The following COL22A1 variants were observed in gnomAD, a reference collection of about 807,000 sequenced individuals.
The protein encoded by COL22A1 is collagen type XXII alpha 1 chain.
In COL22A1, 221 loss-of-function variants were observed where a neutral mutation model predicts 248.9. That is an observed-to-expected ratio of 0.89 (90% CI 0.80 to 0.99). COL22A1 has a LOEUF of 0.99. Among genes scored for constraint, COL22A1 ranks in the 50% least tolerant of loss-of-function variants. The probability of loss-of-function intolerance (pLI) is 0.00; values close to 1 mark genes in which losing one functional copy is unlikely to be tolerated. For synonymous variants in COL22A1, 891 were observed against 793.4 expected, an observed-to-expected ratio of 1.12 and a Z score of -2.07; for missense variants, 2,240 against 2,179.0, an observed-to-expected ratio of 1.03 and a Z score of -0.56.
At chr8:138,870,013 T>A (rs1419873313) in intron 3 of COL22A1, among the ~76,000 whole-genome samples, 2 of 151,962 alleles carry the variant, frequency 1.3e-5, no homozygotes, top group Admixed American at 1.3e-4. Flanking sequence ...GGTGTGTATG[T>A]GGAGGGTGGC....
intron 16 of COL22A1, among the ~76,000 whole-genome samples, chr8:138,764,771 C>T (rs1264826874): frequency 6.6e-6 from 1 of 152,104 alleles, no homozygotes; most frequent in Non-Finnish European, 1.5e-5. Flanking sequence ...CCACCCTGGC[C>T]AACATGGTGA....
rs139658465 is a variant in COL22A1, at chr8:138,589,369, G to C, written c.4765C>G (p.Pro1589Ala). The change falls in exon 65 of 65, where the codon CCA becomes GCA. Residue 1589 changes from proline (P) to alanine (A), a missense_variant. Transcript: ENST00000303045. Reference sequence around the variant, plus strand: ...CCTGGGAGGCCAGGATGTCCAGCTGGTCCTGTCTCCCCTTGAGGGCCAGGG... The same window carrying C: ...CCTGGGAGGCCAGGATGTCCAGCTGCTCCTGTCTCCCCTTGAGGGCCAGGG... Reference protein sequence around the residue: ...GIPGPQGETGPAGHPGLPGPP... With the variant: ...GIPGPQGETGAAGHPGLPGPP... The C allele has an allele frequency of 1.9e-6, 3 of 1,609,828 alleles. No individual in the cohort carries two copies. Among genetic ancestry groups the C allele is most frequent in the South Asian group, 1.1e-5 (1 of 90,642 alleles).
At chr8:138,755,400 T>A in intron 20 of COL22A1, 82 bp downstream of exon 20, 1 of 1,469,230 alleles carries the variant, frequency 6.8e-7, no homozygotes, top group Middle Eastern at 1.7e-4. Context: ...CCATCTGAGT[T>A]CAGCCTGAGA....
At chr8:138,867,465 A>G (rs886903235) in intron 3 of COL22A1, among the ~76,000 whole-genome samples, 6 of 152,218 alleles carry the variant, frequency 3.9e-5, no homozygotes, top group African/African-American at 1.4e-4. Flanking sequence ...CAAGAACCAC[A>G]GTAAAAACCA....
At chr8:138,885,562 TCA>T (rs1368752903) in intron 1 of COL22A1, among the ~76,000 whole-genome samples, 1 of 150,168 alleles carries the variant, frequency 6.7e-6, no homozygotes, top group Non-Finnish European at 1.5e-5. Context: ...TGCCAACGTA[TCA>T]CACAGTTTTT....
intron 52 of COL22A1, chr8:138,620,558 T>C (rs1333212727): frequency 6.6e-6 from 1 of 152,244 alleles, no homozygotes; most frequent in African/African-American, 2.4e-5. Flanking sequence ...TCCTCCCTTG[T>C]AGGTCTTTGT....
chr8:138,623,526 C>T (rs1819994366), intron 52 of COL22A1, among the ~76,000 whole-genome samples: 1 of 152,042 alleles, frequency 6.6e-6, no homozygotes. Context: ...ACTTTGGGGC[C>T]ATGATTTCAC....
chr8:138,890,062 T>C (rs7013414), intron 1 of COL22A1, among the ~76,000 whole-genome samples: 125,994 of 152,162 alleles, frequency 0.83, 53,481 homozygotes, highest in East Asian at 0.99. Context: ...ATCTCAGGAA[T>C]GCAGGAGTGG....
chr8:138,759,834 A>G (rs1024072967), intron 18 of COL22A1, among the ~76,000 whole-genome samples: 1 of 152,208 alleles, frequency 6.6e-6, no homozygotes, highest in Non-Finnish European at 1.5e-5. Flanking sequence ...TGCAAAATGT[A>G]GTAGAGAAGG....
At chr8:138,707,372 G>A (rs1268770401) in intron 30 of COL22A1, among the ~76,000 whole-genome samples, 1 of 152,058 alleles carries the variant, frequency 6.6e-6, no homozygotes, top group African/African-American at 2.4e-5. Context: ...GATGAACATC[G>A]ATGCAAAAAT....
chr8:138,775,764 T>A (rs975270988), intron 16 of COL22A1, among the ~76,000 whole-genome samples: 9 of 151,974 alleles, frequency 5.9e-5, no homozygotes, highest in South Asian at 2.1e-4. Context: ...ACATTTAGGG[T>A]GGGAAATTAA....
intron 3 of COL22A1, among the ~76,000 whole-genome samples, chr8:138,859,287 C>A (rs1822271761): frequency 1.3e-5 from 2 of 152,192 alleles, no homozygotes; most frequent in Admixed American, 6.5e-5. Context: ...ATGGAGCCCC[C>A]AGGAAAGGGC....
chr8:138,690,632 G>A (rs542988482), intron 36 of COL22A1, among the ~76,000 whole-genome samples, 189 bp downstream of exon 36: 1 of 152,222 alleles, frequency 6.6e-6, no homozygotes, highest in South Asian at 2.1e-4. Context: ...GATAGCTGGC[G>A]AGTTGCCTAG....
intron 30 of COL22A1, among the ~76,000 whole-genome samples, chr8:138,708,485 C>T (rs1410859453): frequency 2.6e-5 from 4 of 152,160 alleles, no homozygotes; most frequent in African/African-American, 4.8e-5. Flanking sequence ...TAATACCACA[C>T]ATCTACAACC....
chr8:138,728,163 G>T (rs1024274765), intron 23 of COL22A1, among the ~76,000 whole-genome samples: 1 of 151,982 alleles, frequency 6.6e-6, no homozygotes, highest in African/African-American at 2.4e-5. Context: ...CTCCTGAGTA[G>T]CTGAGACTAC....
chr8:138,775,842 G>T, intron 16 of COL22A1, 124 bp downstream of exon 16: 1 of 947,068 alleles, frequency 1.1e-6, no homozygotes, highest in Non-Finnish European at 1.7e-6. Flanking sequence ...GTACACACAT[G>T]TGCACACATG....
chr8:138,816,274 C>T (rs1402289736), intron 7 of COL22A1, among the ~76,000 whole-genome samples: 1 of 152,080 alleles, frequency 6.6e-6, no homozygotes, highest in Non-Finnish European at 1.5e-5. Context: ...CAAGAGGGGC[C>T]CCTTTCCGAT....
At chr8:138,607,850 C>G (rs1235458364) in intron 57 of COL22A1, 86 bp downstream of exon 57, 2 of 1,324,834 alleles carry the variant, frequency 1.5e-6, no homozygotes, top group Non-Finnish European at 2.1e-6. Context: ...CTTCTAGGGA[C>G]AGAGGCTGGA....
At chr8:138,726,450 T>C (rs938373489) in intron 23 of COL22A1, among the ~76,000 whole-genome samples, 2 of 149,046 alleles carry the variant, frequency 1.3e-5, no homozygotes, top group Non-Finnish European at 3.0e-5. Context: ...TGAGCTGTGA[T>C]TGTGCCATTG....
Sources: allele counts gnomAD v4.1 joint callset (sites outside exome capture counted in the v4.1 genomes callset), GRCh38; gene constraint gnomAD v4.1.1; transcripts MANE v1.5; gene names NCBI Gene and HGNC (gene_info 2026-07-23, HGNC 2026-07-21).